Variants in GLYR1 observed in about 807,000 individuals in gnomAD.
GLYR1 encodes the protein glyoxylate reductase 1 homolog.
In GLYR1, 21 loss-of-function variants were observed where a neutral mutation model predicts 72.7. The ratio of observed to expected loss-of-function variants is 0.29; its 90% CI spans 0.20 to 0.42. The LOEUF (loss-of-function observed/expected upper bound fraction) is 0.42. Ranked by LOEUF, GLYR1 falls within the 10% of genes least tolerant of loss-of-function variation. The pLI, the probability that GLYR1 is intolerant of heterozygous loss-of-function variation, is 1.00. For synonymous variants in GLYR1, 392 were observed against 270.2 expected (o/e 1.45, Z -4.42); for missense variants, 594 against 712.1 (o/e 0.83, Z 1.89).
chr16:4,820,188 C>T (rs2083920882), intron 9 of GLYR1, among the ~76,000 whole-genome samples: 1 of 152,122 alleles, frequency 6.6e-6, no homozygotes, highest in African/African-American at 2.4e-5. Context: ...AGGGTTTCAC[C>T]ATGTTGGCCA....
At position 4,804,623 on chromosome 16, in the gene GLYR1, T is replaced by C. The variant is rs929221169; in HGVS notation, c.*613A>G. 1.2e-4 allele frequency: 18 copies of C among 153,548 alleles called. No individual in the cohort carries two copies. Among genetic ancestry groups the C allele is most frequent in the African/African-American group, 4.3e-4 (18 of 41,450 alleles). The allele number at this position is 153,548 out of a possible 1,614,324, so 9.5% of individuals were successfully genotyped here. A position where few individuals can be genotyped will look rare whatever the true frequency, so the allele number is the denominator to read the frequency against. ...GTTCACAAAGGCGTCTATGGAGCGC[T>C]GGGTGCACACTGGACGCTTAGACGT... On this transcript the variant is annotated 3_prime_UTR_variant, in exon 16 of 16. Coordinates refer to ENST00000321919, the MANE Select transcript of GLYR1 (RefSeq NM_032569.4).
chr16:4,809,424 AAC>A (rs1221888761), intron 15 of GLYR1, among the ~76,000 whole-genome samples: 3 of 151,238 alleles, frequency 2.0e-5, no homozygotes, highest in African/African-American at 7.3e-5. Context: ...CATCCTGGCT[AAC>A]ACAGTGGAAC....
chr16:4,841,775 G>T (rs1226723774), intron 3 of GLYR1, among the ~76,000 whole-genome samples: 1 of 152,178 alleles, frequency 6.6e-6, no homozygotes, highest in Non-Finnish European at 1.5e-5. Context: ...AATGAAGTTT[G>T]GGCCAACCAT....
chr16:4,818,906 CT>C (rs2083823868), intron 9 of GLYR1, among the ~76,000 whole-genome samples: 2 of 152,128 alleles, frequency 1.3e-5, no homozygotes, highest in Admixed American at 1.3e-4. Context: ...CTTCCCAATC[CT>C]TGTGACAGAA....
At chr16:4,846,577 A>G (rs1029205588) in intron 1 of GLYR1, 6 of 285,150 alleles carry the variant, frequency 2.1e-5, no homozygotes, top group East Asian at 8.1e-5. Context: ...TGCTAATGGA[A>G]GCCTTCCTCT....
chr16:4,812,057 T>A, intron 13 of GLYR1, 29 bp downstream of exon 13: 1 of 1,603,074 alleles, frequency 6.2e-7, no homozygotes, highest in South Asian at 1.1e-5. Context: ...GGCCCCAGGC[T>A]CCAGGCCTGA....
At chr16:4,807,962 G>A (rs1459048876) in intron 15 of GLYR1, among the ~76,000 whole-genome samples, 1 of 152,124 alleles carries the variant, frequency 6.6e-6, no homozygotes, top group East Asian at 1.9e-4. Flanking sequence ...AAGGCTGCAT[G>A]CGGTGGCTCA....
chr16:4,811,557 T>A, intron 14 of GLYR1, 66 bp downstream of exon 14: 1 of 1,583,500 alleles, frequency 6.3e-7, no homozygotes, highest in Non-Finnish European at 8.6e-7. Context: ...GCTCACTAAA[T>A]CCCTGACCTA....
intron 5 of GLYR1, among the ~76,000 whole-genome samples, chr16:4,829,859 G>C (rs1459815922): frequency 6.6e-6 from 1 of 152,072 alleles, no homozygotes; most frequent in Non-Finnish European, 1.5e-5. Context: ...TTTTAGTAGA[G>C]ACGGGGTTTC....
chr16:4,834,087 C>T (rs1342776739), intron 3 of GLYR1, among the ~76,000 whole-genome samples: 1 of 152,070 alleles, frequency 6.6e-6, no homozygotes, highest in Non-Finnish European at 1.5e-5. Flanking sequence ...TGTTACTAAC[C>T]CTCCACCAGC....
At chr16:4,822,023 G>T (rs1028392698) in intron 7 of GLYR1, among the ~76,000 whole-genome samples, 2 of 152,226 alleles carry the variant, frequency 1.3e-5, no homozygotes, top group African/African-American at 4.8e-5. Context: ...GACAGCTTAC[G>T]ATGTTTGGTT....
intron 1 of GLYR1, 78 bp downstream of exon 1, chr16:4,847,150 C>G: frequency 1.4e-6 from 2 of 1,379,782 alleles, no homozygotes; most frequent in African/African-American, 1.4e-5. Context: ...AAAGGCAGCT[C>G]CAGGGCCGGC....
intron 13 of GLYR1, 61 bp from the exon 14 acceptor site, chr16:4,811,863 C>T: frequency 1.3e-6 from 2 of 1,549,166 alleles, no homozygotes; most frequent in Non-Finnish European, 1.7e-6. Context: ...GCTTCTCTGT[C>T]CACCCTCACC....
intron 3 of GLYR1, among the ~76,000 whole-genome samples, chr16:4,835,105 A>G (rs562443220): frequency 6.6e-6 from 1 of 152,192 alleles, no homozygotes; most frequent in East Asian, 1.9e-4. Context: ...AGTTCCCAAT[A>G]TAGGACCAAA....
At chr16:4,807,051 C>T (rs2083027513) in intron 15 of GLYR1, among the ~76,000 whole-genome samples, 1 of 151,440 alleles carries the variant, frequency 6.6e-6, no homozygotes. Flanking sequence ...CGTGATCCAC[C>T]CGCCTCGGCC....
Position 4,844,944 on chromosome 16 carries a change from G to A in GLYR1, c.155+130C>T, listed in dbSNP as rs912399615. On this transcript the variant is annotated intron_variant, in intron 3 of 15. Coordinates refer to ENST00000321919, the MANE Select transcript of GLYR1 (RefSeq NM_032569.4). ...GCACCTTTATTTAGGTATGAAGGCA[G>A]AATGAGATGCCAGTATTACACATTA... 11 of 673,244 alleles carry A rather than the reference G, an allele frequency of 1.6e-5. No individual in the cohort carries two copies. The African/African-American group carries it at 1.8e-4, about 11-fold the overall frequency. 41.7% of individuals were successfully genotyped at this position (673,244 alleles called of 1,614,324 possible). A position where few individuals can be genotyped will look rare whatever the true frequency, so the allele number is the denominator to read the frequency against.
At chr16:4,842,552 G>A (rs1251063464) in intron 3 of GLYR1, among the ~76,000 whole-genome samples, 1 of 151,854 alleles carries the variant, frequency 6.6e-6, no homozygotes, top group Non-Finnish European at 1.5e-5. Context: ...GTAGAGACAA[G>A]GTCTTGCTAT....
chr16:4,810,823 G>A (rs532859011), intron 15 of GLYR1, among the ~76,000 whole-genome samples: 2 of 151,582 alleles, frequency 1.3e-5, no homozygotes, highest in Admixed American at 1.3e-4. Context: ...GAAACTGAAT[G>A]GCTGGGCGTG....
intron 7 of GLYR1, 123 bp downstream of exon 7, chr16:4,822,752 C>G (rs949734645): frequency 2.9e-5 from 23 of 788,174 alleles, no homozygotes; most frequent in Non-Finnish European, 4.6e-5. Context: ...GGCTTCTGGG[C>G]TAGTTGCTCT....
Sources: allele counts gnomAD v4.1 joint callset (sites outside exome capture counted in the v4.1 genomes callset), GRCh38; gene constraint gnomAD v4.1.1; transcripts MANE v1.5; gene names NCBI Gene and HGNC (gene_info 2026-07-23, HGNC 2026-07-21).